Variants in BRINP3 observed in about 807,000 individuals in gnomAD.
BRINP3 encodes the protein BMP/retinoic acid-inducible neural-specific protein 3.
Under a neutral mutation model 71.0 loss-of-function variants are expected in BRINP3, and 19 were observed. That is an observed-to-expected ratio of 0.27 (90% CI 0.19 to 0.39). The LOEUF is 0.39. BRINP3 is among the 10% of genes least tolerant of loss of function. BRINP3 has a pLI of 1.00. For synonymous variants in BRINP3, 380 were observed against 337.7 expected (o/e 1.13, Z -1.37); for missense variants, 959 against 940.8 (o/e 1.02, Z -0.25).
At chr1:190,273,600 G>A (rs529712092) in intron 3 of BRINP3, among the ~76,000 whole-genome samples, 2 of 151,614 alleles carry the variant, frequency 1.3e-5, no homozygotes, top group South Asian at 4.2e-4. Context: ...CCATTTTAAT[G>A]TTATACCATG....
At chr1:190,134,547 T>C (rs1007973647) in intron 7 of BRINP3, among the ~76,000 whole-genome samples, 2 of 152,092 alleles carry the variant, frequency 1.3e-5, no homozygotes, top group Non-Finnish European at 2.9e-5. Context: ...CAGCTATAGT[T>C]ATACTTTTAG....
intron 5 of BRINP3, among the ~76,000 whole-genome samples, chr1:190,232,416 C>A (rs770661644): frequency 9.9e-5 from 15 of 151,886 alleles, no homozygotes; most frequent in Non-Finnish European, 1.9e-4. Context: ...ATTGTAAATA[C>A]CAATTAAATT....
At chr1:190,203,308 A>C (rs1170279002) in intron 6 of BRINP3, among the ~76,000 whole-genome samples, 1 of 151,934 alleles carries the variant, frequency 6.6e-6, no homozygotes, top group Non-Finnish European at 1.5e-5. Context: ...GGTTTTTAAA[A>C]CATATGCCTC....
At chr1:190,237,517 A>T (rs1419436025) in intron 4 of BRINP3, among the ~76,000 whole-genome samples, 1 of 152,004 alleles carries the variant, frequency 6.6e-6, no homozygotes, top group African/African-American at 2.4e-5. Context: ...AATAAAAGTA[A>T]CAAATTCCCA....
At chr1:190,220,514 C>T (rs1190437005) in intron 6 of BRINP3, among the ~76,000 whole-genome samples, 1 of 151,902 alleles carries the variant, frequency 6.6e-6, no homozygotes, top group Non-Finnish European at 1.5e-5. Flanking sequence ...ACGTTCTGCA[C>T]ATGTAACGCA....
rs1553258908 is a variant in BRINP3 at position 190,203,461 on chromosome 1, A to ATATG, written c.961+22620_961+22621insCATA. On this transcript the variant is annotated intron_variant, in intron 6 of 7. Coordinates refer to ENST00000367462, the MANE Select transcript of BRINP3 (RefSeq NM_199051.3). The stretch of plus-strand genomic sequence containing the variant: ...TATGTATGTGTGTGTGTATATATAT[A>ATATG]TGTGTGTGTGTGTGTGTGTATATAT... 1.9e-4 allele frequency among the ~76,000 whole-genome samples: 27 copies of ATATG among 143,854 alleles called. No individual in the cohort carries two copies. The South Asian group carries it at 2.4e-3, about 13-fold the overall frequency. The allele number at this position is 143,854 out of a possible 152,430, so 94.4% of individuals were successfully genotyped here.
At chr1:190,369,156 G>T (rs1450684012) in intron 2 of BRINP3, among the ~76,000 whole-genome samples, 1 of 151,944 alleles carries the variant, frequency 6.6e-6, no homozygotes, top group Non-Finnish European at 1.5e-5. Context: ...TAATAAAGAA[G>T]GTATATATAT....
chr1:190,463,248 T>A (rs533404881), intron 1 of BRINP3, among the ~76,000 whole-genome samples: 1 of 151,756 alleles, frequency 6.6e-6, no homozygotes, highest in South Asian at 2.1e-4. Flanking sequence ...ATGGGAGACA[T>A]AATAAAATTT....
chr1:190,341,337 C>T (rs974088770), intron 2 of BRINP3, among the ~76,000 whole-genome samples: 2 of 151,758 alleles, frequency 1.3e-5, no homozygotes, highest in African/African-American at 2.4e-5. Context: ...AGTATAAAAT[C>T]TCTAACTACT....
intron 5 of BRINP3, among the ~76,000 whole-genome samples, chr1:190,233,099 T>G (rs1367051752): frequency 6.6e-6 from 1 of 152,044 alleles, no homozygotes; most frequent in East Asian, 1.9e-4. Context: ...TGTTATTACA[T>G]TTTTCTTTTA....
At chr1:190,413,826 C>T (rs1162832014) in intron 2 of BRINP3, among the ~76,000 whole-genome samples, 6 of 151,562 alleles carry the variant, frequency 4.0e-5, no homozygotes, top group South Asian at 2.1e-4. Flanking sequence ...AAGAAAAATG[C>T]CTATGTTATA....
At chr1:190,099,983 G>A (rs1651557377) in intron 7 of BRINP3, among the ~76,000 whole-genome samples, 1 of 152,082 alleles carries the variant, frequency 6.6e-6, no homozygotes, top group Non-Finnish European at 1.5e-5. Flanking sequence ...GAAGAGCAAT[G>A]GCCTTGTAAT....
intron 6 of BRINP3, among the ~76,000 whole-genome samples, chr1:190,220,816 C>A (rs1656818147): frequency 6.6e-6 from 1 of 151,774 alleles, no homozygotes; most frequent in Admixed American, 6.6e-5. Context: ...TACAAATATG[C>A]CAAAAAAAAG....
At chr1:190,428,072 G>GAAGCA (rs1047962449) in intron 2 of BRINP3, among the ~76,000 whole-genome samples, 1 of 151,722 alleles carries the variant, frequency 6.6e-6, no homozygotes, top group African/African-American at 2.4e-5. Flanking sequence ...GCAGTGCCAA[G>GAAGCA]AAGCAAAGAG....
chr1:190,368,332 C>T (rs1382052174), intron 2 of BRINP3, among the ~76,000 whole-genome samples: 1 of 152,056 alleles, frequency 6.6e-6, no homozygotes, highest in Non-Finnish European at 1.5e-5. Context: ...ACAGGAATAT[C>T]ATGAGGGTCA....
chr1:190,438,345 A>G (rs1371419637), intron 2 of BRINP3, among the ~76,000 whole-genome samples: 1 of 151,744 alleles, frequency 6.6e-6, no homozygotes. Context: ...ATTTATTTAG[A>G]TATAAAATAA....
At chr1:190,271,495 A>T (rs1457156859) in intron 3 of BRINP3, among the ~76,000 whole-genome samples, 1 of 151,566 alleles carries the variant, frequency 6.6e-6, no homozygotes, top group East Asian at 1.9e-4. Context: ...TTTATTCACC[A>T]CTATTATTCA....
intron 1 of BRINP3, among the ~76,000 whole-genome samples, chr1:190,471,539 T>C (rs1462956665): frequency 2.0e-5 from 3 of 151,386 alleles, no homozygotes; most frequent in African/African-American, 7.2e-5. Flanking sequence ...TAAATAAGTT[T>C]ATCCAAGTAG....
chr1:190,194,723 T>C (rs1011944009), intron 6 of BRINP3, among the ~76,000 whole-genome samples: 3 of 152,106 alleles, frequency 2.0e-5, no homozygotes, highest in African/African-American at 7.2e-5. Context: ...TTTATGTAGA[T>C]TAATTCAACT....
Sources: gnomAD v4.1 joint callset for allele counts (sites outside exome capture counted in the v4.1 genomes callset) on GRCh38, gnomAD v4.1.1 for gene constraint, MANE v1.5 for transcripts, NCBI Gene and HGNC (gene_info 2026-07-23, HGNC 2026-07-21) for gene names.